PGS1: variants seen among roughly 807,000 people sequenced by gnomAD.
The protein encoded by PGS1 is phosphatidylglycerophosphate synthase 1, also known as CDP-diacylglycerol--glycerol-3-phosphate 3-phosphatidyltransferase, mitochondrial.
Under a neutral mutation model 58.3 loss-of-function variants are expected in PGS1, and 44 were observed. The ratio of observed to expected loss-of-function variants is 0.75; its 90% CI spans 0.59 to 0.97. PGS1 has a LOEUF of 0.97. Ranked by LOEUF, PGS1 falls within the 50% of genes least tolerant of loss-of-function variation. The pLI is 0.00. For missense variants in PGS1, 684 were observed against 731.1 expected, an observed-to-expected ratio of 0.94 and a Z score of 0.74; for synonymous variants, 330 against 311.0, an observed-to-expected ratio of 1.06 and a Z score of -0.64.
In PGS1 at chr17:78,411,902, C is replaced by CAT. The variant is rs2084739777; in HGVS notation, c.1403-2977_1403-2976insAT. On this transcript the variant is annotated intron_variant, in intron 7 of 9. Transcript: ENST00000262764. ...ATGAAACAGAACTAAAGGGCTCCTGCTTTTTTTTTTTTTTTTTTTTTTTTT... is the reference window on the plus strand; with the variant it reads ...ATGAAACAGAACTAAAGGGCTCCTGCATTTTTTTTTTTTTTTTTTTTTTTTTT... Among the ~76,000 whole-genome samples, 9 of 58,010 alleles carry CAT rather than the reference C, an allele frequency of 1.6e-4. No homozygotes were observed. The Admixed American group carries it at 2.7e-3, about 17-fold the overall frequency. 38.1% of individuals were successfully genotyped at this position (58,010 alleles called of 152,430 possible). A position where few individuals can be genotyped will look rare whatever the true frequency, so the allele number is the denominator to read the frequency against.
chr17:78,411,200 G>A (rs2084659344), intron 7 of PGS1, among the ~76,000 whole-genome samples: 1 of 152,186 alleles, frequency 6.6e-6, no homozygotes, highest in African/African-American at 2.4e-5. Flanking sequence ...CGACCACATG[G>A]GGCTTGCAGA....
chr17:78,422,332 C>T (rs554931626), intron 9 of PGS1, among the ~76,000 whole-genome samples: 75 of 152,260 alleles, frequency 4.9e-4, no homozygotes, highest in African/African-American at 1.8e-3. Context: ...TCTTTTCCCT[C>T]CGATAGCCCT....
intron 1 of PGS1, among the ~76,000 whole-genome samples, chr17:78,385,308 A>G (rs1286016476): frequency 7.0e-6 from 1 of 143,464 alleles, no homozygotes; most frequent in Non-Finnish European, 1.5e-5. Context: ...TTTTTTTTTG[A>G]GATGGAGTCT....
chr17:78,378,688 C>A lies in PGS1; in HGVS notation c.23C>A (p.Ala8Glu). The A allele has an allele frequency of 1.3e-6, 2 of 1,524,500 alleles. No individual in the cohort carries two copies. Among genetic ancestry groups the A allele is most frequent in the Non-Finnish European group, 1.8e-6 (2 of 1,142,640 alleles). 94.4% of individuals were successfully genotyped at this position (1,524,500 alleles called of 1,614,324 possible). MAVAAAA[A>E]AGPVFWRRLL... ...TCCATGGCGGTGGCGGCGGCAGCTG[C>A]GGCGGGACCCGTGTTCTGGAGGCGA... is the stretch of plus-strand genomic sequence containing the variant. The change falls in exon 1 of 10, where the codon GCG (alanine) becomes GAG (glutamate). Residue 8 changes from alanine (A) to glutamate (E), a missense_variant. Ala to Glu is a moderately radical substitution (Grantham distance 107, BLOSUM62 -1). Coordinates refer to ENST00000262764, the MANE Select transcript of PGS1 (RefSeq NM_024419.5).
At chr17:78,419,759 C>G (rs1410296845) in intron 9 of PGS1, 84 bp downstream of exon 9, 1 of 1,583,168 alleles carries the variant, frequency 6.3e-7, no homozygotes, top group Non-Finnish European at 8.6e-7. Context: ...TCAACCAGAG[C>G]TTCCAGAGGG....
At chr17:78,411,191 G>A (rs117385752) in intron 7 of PGS1, among the ~76,000 whole-genome samples, 2,566 of 152,248 alleles carry the variant, frequency 0.017, 30 homozygotes, top group Non-Finnish European at 0.026. Context: ...GAGCCTCCTC[G>A]ACCACATGGG....
At chr17:78,383,272 A>G in intron 1 of PGS1, among the ~76,000 whole-genome samples, 1 of 148,824 alleles carries the variant, frequency 6.7e-6, no homozygotes, top group Non-Finnish European at 1.5e-5. Context: ...TTTGAGACGG[A>G]GTTTCACTCT....
intron 3 of PGS1, 86 bp from the exon 4 acceptor site, chr17:78,398,166 C>T: frequency 1.1e-6 from 1 of 924,084 alleles, no homozygotes; most frequent in Non-Finnish European, 1.8e-6. Context: ...ATGACGAGGG[C>T]ACTAGCCGAT....
chr17:78,399,571 C>T (rs781354899), intron 5 of PGS1, 34 bp downstream of exon 5: 6 of 1,607,438 alleles, frequency 3.7e-6, no homozygotes, highest in Non-Finnish European at 5.1e-6. Context: ...CTTTTGCCCT[C>T]CTGCTCTGCA....
rs780396374 is a variant in PGS1, at chr17:78,413,894, A to G, written c.1403-985A>G. Among the ~76,000 whole-genome samples, 13 of 152,342 alleles carry G rather than the reference A, an allele frequency of 8.5e-5. 1 individual carries two copies. In the South Asian group the frequency reaches 2.3e-3, roughly 27 times the overall value. On this transcript the variant is annotated intron_variant, in intron 7 of 9. Coordinates refer to ENST00000262764, the MANE Select transcript of PGS1 (RefSeq NM_024419.5). ...GGACGCCTGTGGCCTTGTTACAGAAATGGCCTCGTAGTGTGGCCCCCCCTG... is the reference window on the plus strand; with the variant it reads ...GGACGCCTGTGGCCTTGTTACAGAAGTGGCCTCGTAGTGTGGCCCCCCCTG...
chr17:78,421,611 A>G (rs73380022), intron 9 of PGS1: 4 of 152,414 alleles, frequency 2.6e-5, no homozygotes, highest in East Asian at 1.9e-4. Flanking sequence ...CTGTGGGACA[A>G]TTAGACTGGA....
chr17:78,424,106 T>A lies in PGS1; in HGVS notation c.*56T>A, dbSNP rs374800528. The A allele has an allele frequency of 2.5e-6, 4 of 1,613,684 alleles. No individual in the cohort carries two copies. The highest frequency in any genetic ancestry group is 3.4e-6 in the Non-Finnish European group (4 of 1,179,876). On this transcript the variant is annotated 3_prime_UTR_variant, in exon 10 of 10. Transcript: ENST00000262764. The stretch of plus-strand genomic sequence containing the variant: ...ACAGGCATGGCCGGGGTCAGCTCTT[T>A]CAGCCGCGCTTCAGCGATGACTCCA...
rs375913810 is a variant in PGS1 at position 78,410,343 on chromosome 17, C to T, written c.1403-4536C>T. The stretch of plus-strand genomic sequence containing the variant: ...ACTCAGGAGGCTGAGGTGGGAGAAT[C>T]GCTTGAACCCAGGAGCCGGAGGTTG... On this transcript the variant is annotated intron_variant, in intron 7 of 9. Transcript: ENST00000262764. Among the ~76,000 whole-genome samples the T allele has an allele frequency of 3.9e-5, 6 of 152,056 alleles. No homozygotes were observed. In the South Asian group the frequency reaches 6.2e-4, roughly 16 times the overall value.
chr17:78,398,554 A>G (rs914954299), intron 4 of PGS1, among the ~76,000 whole-genome samples: 1 of 152,236 alleles, frequency 6.6e-6, no homozygotes, highest in African/African-American at 2.4e-5. Flanking sequence ...CAGCTTAGGC[A>G]GGAGCCGAGT....
rs185014376 is a variant in PGS1 at position 78,407,320 on chromosome 17, C to T, written c.1402+3231C>T. On this transcript the variant is annotated intron_variant, in intron 7 of 9. Coordinates refer to ENST00000262764, the MANE Select transcript of PGS1 (RefSeq NM_024419.5). ...TGAAGTGAGAGGCGAGGGTCCTTCC[C>T]TGCTCAGTGGTTGTGTCCCCAGTGG... Among the ~76,000 whole-genome samples, 397 of 152,296 alleles carry T rather than the reference C, an allele frequency of 2.6e-3. 1 individual carries two copies. Among genetic ancestry groups the T allele is most frequent in the Non-Finnish European group, 4.4e-3 (298 of 68,030 alleles).
rs924904853 is a variant in PGS1, at chr17:78,424,269, A to G, written c.*219A>G. On this transcript the variant is annotated 3_prime_UTR_variant, in exon 10 of 10. Transcript: ENST00000262764. ...CTCTGCAGAGCTGGGCTCTACCCCAAAAGGCTTCAGGCCAGCTGCCACGGC... is the reference window on the plus strand; with the variant it reads ...CTCTGCAGAGCTGGGCTCTACCCCAGAAGGCTTCAGGCCAGCTGCCACGGC... 3 of 1,352,252 alleles carry G rather than the reference A, an allele frequency of 2.2e-6. No individual in the cohort carries two copies. The highest frequency in any genetic ancestry group is 1.5e-5 in the South Asian group (1 of 67,834). The allele number at this position is 1,352,252 out of a possible 1,614,324, so 83.8% of individuals were successfully genotyped here.
intron 9 of PGS1, chr17:78,421,279 G>C (rs2085714524): frequency 6.6e-6 from 1 of 152,012 alleles, no homozygotes; most frequent in African/African-American, 2.4e-5. Flanking sequence ...ACAGAGAGAA[G>C]CTTCCTGGGC....
Position 78,398,160 on chromosome 17 carries a change from C to T in PGS1, c.412-92C>T, listed in dbSNP as rs762058758. 1.1e-4 allele frequency: 100 copies of T among 889,612 alleles called. 1 individual carries two copies. The highest frequency in any genetic ancestry group is 2.1e-4 in the Middle Eastern group (1 of 4,706). 55.1% of individuals were successfully genotyped at this position (889,612 alleles called of 1,614,324 possible). On this transcript the variant is annotated intron_variant, in intron 3 of 9. Coordinates refer to ENST00000262764, the MANE Select transcript of PGS1 (RefSeq NM_024419.5). The stretch of plus-strand genomic sequence containing the variant: ...ACAAACCTATCTTTGGAGAAGATGA[C>T]GAGGGCACTAGCCGATGGGGCGATT...
chr17:78,392,449 G>A (rs1004782408), intron 1 of PGS1, 27 bp from the exon 2 acceptor site: 1 of 1,567,320 alleles, frequency 6.4e-7, no homozygotes, highest in African/African-American at 1.4e-5. Flanking sequence ...TTTGAGGTGT[G>A]ACCCAGTTGC....
Sources: allele counts gnomAD v4.1 joint callset (sites outside exome capture counted in the v4.1 genomes callset), GRCh38; gene constraint gnomAD v4.1.1; transcripts MANE v1.5; gene names NCBI Gene and HGNC (gene_info 2026-07-23, HGNC 2026-07-21).